Variants in IL1RL2 observed in about 807,000 individuals in gnomAD.
IL1RL2 encodes interleukin-1 receptor-like 2.
In IL1RL2, 68 loss-of-function variants were observed where a neutral mutation model predicts 66.8. The observed-to-expected ratio is 1.02, with a 90% CI of 0.84 to 1.25. The LOEUF (loss-of-function observed/expected upper bound fraction) is 1.25. IL1RL2 is among the 50% of genes most tolerant of loss of function. The pLI, the probability that IL1RL2 is intolerant of heterozygous loss-of-function variation, is 0.00. For missense variants in IL1RL2, 729 were observed against 709.3 expected (o/e 1.03, Z -0.32); for synonymous variants, 305 against 264.6 (o/e 1.15, Z -1.48).
At chr2:102,192,458 T>TCA (rs1298672696) in intron 4 of IL1RL2, among the ~76,000 whole-genome samples, 2 of 152,164 alleles carry the variant, frequency 1.3e-5, no homozygotes, top group Non-Finnish European at 2.9e-5. Flanking sequence ...TTCTAAGAGG[T>TCA]CACCCCCTGG....
intron 7 of IL1RL2, 59 bp downstream of exon 7, chr2:102,219,141 G>A: frequency 6.3e-7 from 1 of 1,588,758 alleles, no homozygotes; most frequent in Non-Finnish European, 8.6e-7. Context: ...CCATCTAAGT[G>A]AATCTGGTAT....
intron 3 of IL1RL2, among the ~76,000 whole-genome samples, chr2:102,191,108 A>G (rs796267226): frequency 7.2e-4 from 110 of 152,266 alleles, no homozygotes; most frequent in African/African-American, 2.5e-3. Flanking sequence ...CTTTCACAAT[A>G]TATATGATAT....
At position 102,234,962 on chromosome 2, in the gene IL1RL2, G is replaced by C; in HGVS notation, c.1363G>C (p.Glu455Gln). 1.9e-6 allele frequency: 3 copies of C among 1,614,168 alleles called. No homozygotes were observed. The highest frequency in any genetic ancestry group is 2.5e-6 in the Non-Finnish European group (3 of 1,180,044). Residue 455 changes from glutamate to glutamine, a missense_variant, in exon 11 of 12, where the codon GAA (glutamate) becomes CAA (glutamine). By Grantham distance (29) the Glu-to-Gln change is conservative (BLOSUM62 2). Coordinates refer to ENST00000264257, the MANE Select transcript of IL1RL2 (RefSeq NM_003854.4). ...CRRLIVIVVPESLGFGLLKNL... is the reference protein window; with the variant it reads ...CRRLIVIVVPQSLGFGLLKNL... ...GAGGCTGATTGTCATTGTGGTCCCC[G>C]AATCGCTGGGCTTTGGCCTGTTGAA...
In IL1RL2 at chr2:102,189,306, ATAAAGTAAGTTCCTAATT is replaced by A; in HGVS notation, c.293+1_293+18del. ...GGACTCAGGAGTCTACCAATGTGTT[ATAAAGTAAGTTCCTAATT>A]TAAAATAGAACTAACTCGTGTGTGT... On this transcript the variant is annotated splice_donor_variant and splice_donor_5th_base_variant and coding_sequence_variant and intron_variant, in exon 3 of 12. Coordinates refer to ENST00000264257, the MANE Select transcript of IL1RL2 (RefSeq NM_003854.4). LOFTEE classifies it high-confidence loss of function. The A allele has an allele frequency of 6.3e-7, 1 of 1,585,610 alleles. No individual in the cohort carries two copies. The highest frequency in any genetic ancestry group is 8.6e-7 in the Non-Finnish European group (1 of 1,159,560).
In IL1RL2 at chr2:102,225,885, C is replaced by G; in HGVS notation, c.992-13C>G. The G allele has an allele frequency of 6.6e-7, 1 of 1,517,576 alleles. No homozygotes were observed. The highest frequency in any genetic ancestry group is 8.8e-7 in the Non-Finnish European group (1 of 1,133,792). The allele number at this position is 1,517,576 out of a possible 1,614,324, so 94.0% of individuals were successfully genotyped here. A position where few individuals can be genotyped will look rare whatever the true frequency, so the allele number is the denominator to read the frequency against. On this transcript the variant is annotated splice_polypyrimidine_tract_variant and intron_variant, in intron 8 of 11. Coordinates refer to ENST00000264257, the MANE Select transcript of IL1RL2 (RefSeq NM_003854.4). ...AATTATAATTATTATTATTTTTTTG[C>G]TGTCATTTGTAGCTCCGGATTTTCG... is the stretch of plus-strand genomic sequence containing the variant.
chr2:102,190,614 T>C (rs1176258083), intron 3 of IL1RL2, among the ~76,000 whole-genome samples: 1 of 152,214 alleles, frequency 6.6e-6, no homozygotes, highest in Non-Finnish European at 1.5e-5. Context: ...GGTTCACAAG[T>C]GGAAGTGGTC....
chr2:102,235,638 A>T, intron 11 of IL1RL2: 1 of 985,382 alleles, frequency 1.0e-6, no homozygotes, highest in Non-Finnish European at 1.2e-6. Context: ...TGTGGCACCC[A>T]TAGAGTCTGA....
intron 11 of IL1RL2, among the ~76,000 whole-genome samples, chr2:102,238,604 C>T (rs1330919601): frequency 2.0e-5 from 3 of 152,186 alleles, no homozygotes; most frequent in Non-Finnish European, 2.9e-5. Context: ...TTCCCTCTAA[C>T]ACATGCTTGT....
chr2:102,226,552 C>T (rs1490139760), intron 9 of IL1RL2, among the ~76,000 whole-genome samples: 4 of 152,128 alleles, frequency 2.6e-5, no homozygotes, highest in African/African-American at 4.8e-5. Context: ...AATGTGACTT[C>T]TCCACTTACT....
chr2:102,228,709 A>G (rs1040989725), intron 9 of IL1RL2, among the ~76,000 whole-genome samples: 1 of 152,244 alleles, frequency 6.6e-6, no homozygotes, highest in African/African-American at 2.4e-5. Context: ...CAATGGGAAA[A>G]CAAGTCGGGG....
intron 4 of IL1RL2, among the ~76,000 whole-genome samples, chr2:102,200,617 A>G (rs17026782): frequency 0.19 from 28,494 of 152,206 alleles, 3,306 homozygotes; most frequent in South Asian, 0.26. Flanking sequence ...GAACAAATGG[A>G]CTCAATTAGC....
chr2:102,239,221 T>A lies in IL1RL2; in HGVS notation c.1708T>A (p.Cys570Ser). ...GPELGSRRKK[C>S]TLTTG ...AGAACTAGGCTCAAGAAGAAAGAAG[T>A]GTACTCTCACGACTGGCTAAGACTT... is the stretch of plus-strand genomic sequence containing the variant. The change falls in exon 12 of 12, where the codon TGT becomes AGT. Residue 570 changes from cysteine to serine, a missense_variant. Cys to Ser is a moderately radical substitution (Grantham distance 112). Coordinates refer to ENST00000264257, the MANE Select transcript of IL1RL2 (RefSeq NM_003854.4). 1.2e-6 allele frequency: 2 copies of A among 1,614,054 alleles called. No homozygotes were observed. The highest frequency in any genetic ancestry group is 1.7e-6 in the Non-Finnish European group (2 of 1,179,928).
intron 5 of IL1RL2, among the ~76,000 whole-genome samples, chr2:102,204,468 C>A (rs1688531820): frequency 6.6e-6 from 1 of 152,102 alleles, no homozygotes; most frequent in Non-Finnish European, 1.5e-5. Context: ...CTGTCCAATG[C>A]TGAAAGTGGG....
intron 2 of IL1RL2, 70 bp downstream of exon 2, chr2:102,187,995 C>T (rs1376197139): frequency 2.0e-6 from 3 of 1,467,626 alleles, no homozygotes; most frequent in South Asian, 2.3e-5. Flanking sequence ...TCATTGGGAG[C>T]CCCCGGGGAT....
intron 9 of IL1RL2, 62 bp downstream of exon 9, chr2:102,226,103 G>A (rs1411310391): frequency 6.9e-6 from 9 of 1,309,598 alleles, no homozygotes; most frequent in South Asian, 5.2e-5. Context: ...CATATACAAC[G>A]ATTTCAAATA....
At position 102,195,629 on chromosome 2, in the gene IL1RL2, C is replaced by CTTTCTTTCCTTCTT. The variant is rs1379287788; in HGVS notation, c.489+3510_489+3511insTTCTTTCCTTCTTT. Reference sequence around the variant, plus strand: ...TCTTTCTTTCTTTCTTTCTTTCTTTCTCTCTCTCTCTCTCTCTCTTTCTTT... The same window carrying CTTTCTTTCCTTCTT: ...TCTTTCTTTCTTTCTTTCTTTCTTTCTTTCTTTCCTTCTTTCTCTCTCTCTCTCTCTCTTTCTTT... On this transcript the variant is annotated intron_variant, in intron 4 of 11. Transcript: ENST00000264257. Among the ~76,000 whole-genome samples the CTTTCTTTCCTTCTT allele has an allele frequency of 8.6e-4, 15 of 17,346 alleles. 1 individual carries two copies. The highest frequency in any genetic ancestry group is 1.9e-3 in the African/African-American group (15 of 7,908). 11.4% of individuals were successfully genotyped at this position (17,346 alleles called of 152,430 possible).
upstream of IL1RL2, chr2:102,186,982 G>A: frequency 1.6e-6 from 2 of 1,285,424 alleles, no homozygotes; most frequent in Non-Finnish European, 2.0e-6. Context: ...CCCCGCCCAC[G>A]GTGGCGGGGA....
chr2:102,212,624 T>A (rs1689269665), intron 6 of IL1RL2, among the ~76,000 whole-genome samples: 1 of 152,170 alleles, frequency 6.6e-6, no homozygotes, highest in African/African-American at 2.4e-5. Context: ...ATTGCCTCAA[T>A]TTGTGATCTA....
intron 2 of IL1RL2, among the ~76,000 whole-genome samples, chr2:102,188,400 C>T (rs963297870): frequency 1.6e-4 from 25 of 151,956 alleles, no homozygotes; most frequent in Admixed American, 2.6e-4. Flanking sequence ...CTGGCTAACA[C>T]GGTGAAACCC....
Sources: gnomAD v4.1 joint callset for allele counts (sites outside exome capture counted in the v4.1 genomes callset) on GRCh38, gnomAD v4.1.1 for gene constraint, MANE v1.5 for transcripts, NCBI Gene and HGNC (gene_info 2026-07-23, HGNC 2026-07-21) for gene names.